The following CCDC27 variants were observed in gnomAD, a reference collection of about 807,000 sequenced individuals.
CCDC27 encodes the protein coiled-coil domain-containing protein 27.
A neutral mutation model predicts 80.3 loss-of-function variants in CCDC27; 80 were observed. The observed-to-expected ratio is 1.00, with a 90% CI of 0.83 to 1.20. The LOEUF (loss-of-function observed/expected upper bound fraction) is 1.20. Among genes scored for constraint, CCDC27 ranks in the 50% most tolerant of loss-of-function variants. The pLI, the probability that CCDC27 is intolerant of heterozygous loss-of-function variation, is 0.00. For missense variants in CCDC27, 815 were observed against 809.4 expected, an observed-to-expected ratio of 1.01 and a Z score of -0.08; for synonymous variants, 342 against 334.3, an observed-to-expected ratio of 1.02 and a Z score of -0.25.
rs964700091 is a variant in CCDC27 at position 3,759,746 on chromosome 1, T to G, written c.712-1535T>G. Among the ~76,000 whole-genome samples, 15 of 152,228 alleles carry G rather than the reference T, an allele frequency of 9.9e-5. No homozygotes were observed. In the East Asian group the frequency reaches 2.9e-3, roughly 29 times the overall value. On this transcript the variant is annotated intron_variant, in intron 4 of 11. Coordinates refer to ENST00000294600, the MANE Select transcript of CCDC27 (RefSeq NM_152492.3). ...TTCATTTTGTTTACTCCTGCAACTC[T>G]ACCTGTACATTATTATAGATTTCAC...
Position 3,769,007 on chromosome 1 carries a change from C to T in CCDC27, c.1744-776C>T, listed in dbSNP as rs1354132388. ...GAGCGGCAGTGTGGACATGCTTCCA[C>T]TCGGAGGCAAGGCTGAGCCTCTCGG... is the stretch of plus-strand genomic sequence containing the variant. On this transcript the variant is annotated intron_variant, in intron 10 of 11. Transcript: ENST00000294600. The surrounding 1 kb of genome is among the most constrained non-coding windows in gnomAD (Gnocchi z 4.6). Among the ~76,000 whole-genome samples the T allele has an allele frequency of 6.6e-6, 1 of 152,216 alleles. No homozygotes were observed. The highest frequency in any genetic ancestry group is 1.5e-5 in the Non-Finnish European group (1 of 68,040).
At chr1:3,770,655 G>A (rs573572311) in intron 11 of CCDC27, among the ~76,000 whole-genome samples, 2 of 152,328 alleles carry the variant, frequency 1.3e-5, no homozygotes, top group African/African-American at 4.8e-5. Context: ...TTGAACCCCA[G>A]TGTGTGCCCC....
At chr1:3,756,696 G>A (rs371397692) in intron 3 of CCDC27, 37 bp from the exon 4 acceptor site, 2 of 1,610,210 alleles carry the variant, frequency 1.2e-6, no homozygotes, top group African/African-American at 2.7e-5. Context: ...GGCAGGGAAG[G>A]GTCTCATTTC....
intron 1 of CCDC27, among the ~76,000 whole-genome samples, chr1:3,753,219 G>A (rs973280733): frequency 2.0e-5 from 3 of 152,168 alleles, no homozygotes; most frequent in Admixed American, 6.5e-5. Flanking sequence ...CTGTGCCACC[G>A]TGTACTGGGG....
At chr1:3,759,603 G>A (rs1465927762) in intron 4 of CCDC27, among the ~76,000 whole-genome samples, 1 of 152,148 alleles carries the variant, frequency 6.6e-6, no homozygotes, top group African/African-American at 2.4e-5. Context: ...TGAAAATTAT[G>A]GACATGAGTC....
chr1:3,763,828 A>G lies in CCDC27; in HGVS notation c.1444A>G (p.Thr482Ala). Reference protein sequence around the residue: ...RERRQQLQAMTDKFSNLREDK... With the variant: ...RERRQQLQAMADKFSNLREDK... ...GCGGAGGCAGCAGCTACAAGCCATG[A>G]CCGACAAGGTGGCCGTGCGCTCAGT... The change falls in exon 8 of 12, where the codon ACC (threonine) becomes GCC (alanine). Residue 482 changes from threonine (T) to alanine (A), a missense_variant. Coordinates refer to ENST00000294600, the MANE Select transcript of CCDC27 (RefSeq NM_152492.3). The surrounding 1 kb of genome is among the most constrained non-coding windows in gnomAD (Gnocchi z 7.5). The G allele has an allele frequency of 6.2e-7, 1 of 1,613,968 alleles. No homozygotes were observed. The highest frequency in any genetic ancestry group is 8.5e-7 in the Non-Finnish European group (1 of 1,179,920).
At chr1:3,767,756 C>T (rs1186579044) in intron 10 of CCDC27, among the ~76,000 whole-genome samples, 4 of 152,204 alleles carry the variant, frequency 2.6e-5, no homozygotes, top group African/African-American at 7.2e-5. Context: ...AGGAGGAGGG[C>T]ACCTGGATAG....
In CCDC27 at chr1:3,763,273, G is replaced by C; in HGVS notation, c.1120G>C (p.Glu374Gln). 1 of 1,588,726 alleles carries C rather than the reference G, an allele frequency of 6.3e-7. No homozygotes were observed. The highest frequency in any genetic ancestry group is 8.6e-7 in the Non-Finnish European group (1 of 1,166,804). Residue 374 changes from glutamate to glutamine, a missense_variant, in exon 7 of 12, where the codon GAA becomes CAA. Glu to Gln is a conservative substitution (Grantham distance 29). Transcript: ENST00000294600. This position sits in a 1 kb window ranked among gnomAD's most constrained non-coding sequence, Gnocchi z 7.5. Reference sequence around the variant, plus strand: ...GCATGAGGAGGGAAGCGAGGAGGAGGAAGAGGAGGAAGGGGACAGGGATGA... The same window carrying C: ...GCATGAGGAGGGAAGCGAGGAGGAGCAAGAGGAGGAAGGGGACAGGGATGA... ...SVHEEGSEEE[E>Q]EEEGDRDEDS...
At chr1:3,757,686 G>A (rs1253046045) in intron 4 of CCDC27, among the ~76,000 whole-genome samples, 2 of 152,080 alleles carry the variant, frequency 1.3e-5, no homozygotes, top group African/African-American at 4.8e-5. Context: ...ACTTTGGGAG[G>A]CAGAGGTAGA....
Position 3,763,832 on chromosome 1 carries a change from AC to A in CCDC27, c.1449del (p.Asp483GlufsTer15), listed in dbSNP as rs1643158253. On this transcript the variant is annotated frameshift_variant, in exon 8 of 12. Coordinates refer to ENST00000294600, the MANE Select transcript of CCDC27 (RefSeq NM_152492.3). LOFTEE classifies it high-confidence loss of function. This position sits in a 1 kb window ranked among gnomAD's most constrained non-coding sequence, Gnocchi z 7.5. ...AGGCAGCAGCTACAAGCCATGACCG[AC>A]AAGGTGGCCGTGCGCTCAGTACCGG... ...ERRQQLQAMT[D>X]KFSNLREDKK... The A allele has an allele frequency of 6.2e-7, 1 of 1,613,878 alleles. No individual in the cohort carries two copies. The highest frequency in any genetic ancestry group is 8.5e-7 in the Non-Finnish European group (1 of 1,179,928).
chr1:3,767,340 C>A lies in CCDC27; in HGVS notation c.1638C>A (p.His546Gln), dbSNP rs774479649. The A allele has an allele frequency of 1.2e-6, 2 of 1,613,978 alleles. No homozygotes were observed. The highest frequency in any genetic ancestry group is 2.2e-5 in the East Asian group (1 of 44,870). ...LQEQVELDQN[H>Q]LQRWKQLQED... ...AGCAGGTGGAACTGGACCAGAACCA[C>A]CTGCAGAGGTGGAAGCAGCTGCAGG... The change falls in exon 10 of 12, where the codon CAC becomes CAA. Residue 546 changes from histidine (H) to glutamine (Q), a missense_variant. Coordinates refer to ENST00000294600, the MANE Select transcript of CCDC27 (RefSeq NM_152492.3).
At position 3,771,645 on chromosome 1, in the gene CCDC27, C is replaced by A; in HGVS notation, c.*122C>A. On this transcript the variant is annotated 3_prime_UTR_variant, in exon 12 of 12. Coordinates refer to ENST00000294600, the MANE Select transcript of CCDC27 (RefSeq NM_152492.3). ...AATTAAACCCCGGTGTTGGCACTGT[C>A]CCACCTTTTTCTTCTCTGGGATCCA... is the stretch of plus-strand genomic sequence containing the variant. 1 of 1,127,028 alleles carries A rather than the reference C, an allele frequency of 8.9e-7. No homozygotes were observed. The highest frequency in any genetic ancestry group is 1.3e-6 in the Non-Finnish European group (1 of 797,290). The allele number at this position is 1,127,028 out of a possible 1,614,324, so 69.8% of individuals were successfully genotyped here.
intron 2 of CCDC27, among the ~76,000 whole-genome samples, chr1:3,754,640 A>G (rs1642909562): frequency 1.3e-5 from 2 of 152,118 alleles, no homozygotes; most frequent in Admixed American, 1.3e-4. Context: ...TATCCGGTCC[A>G]AACCCTTCAC....
chr1:3,762,141 G>A (rs2124593935), intron 5 of CCDC27, among the ~76,000 whole-genome samples: 1 of 152,258 alleles, frequency 6.6e-6, no homozygotes, highest in Admixed American at 6.5e-5. Flanking sequence ...TTATGCTGGG[G>A]GCCAGAGATG....
rs1037426894 is a variant in CCDC27, at chr1:3,766,533, A to G, written c.1453-2A>G. Reference sequence around the variant, plus strand: ...CAAGCCAACCCTTCTGTCTCCTTCCAGTTCTCCAACCTCCGAGAAGATAAG... The same window carrying G: ...CAAGCCAACCCTTCTGTCTCCTTCCGGTTCTCCAACCTCCGAGAAGATAAG... On this transcript the variant is annotated splice_acceptor_variant, in intron 8 of 11. Transcript: ENST00000294600. LOFTEE classifies it high-confidence loss of function. The surrounding 1 kb of genome is among the most constrained non-coding windows in gnomAD (Gnocchi z 6.1). The G allele has an allele frequency of 9.9e-6, 16 of 1,612,540 alleles. No individual in the cohort carries two copies. The highest frequency in any genetic ancestry group is 1.4e-5 in the Non-Finnish European group (16 of 1,179,118).
In CCDC27 at chr1:3,769,906, C is replaced by T; in HGVS notation, c.1848+19C>T. 1 of 1,588,946 alleles carries T rather than the reference C, an allele frequency of 6.3e-7. No homozygotes were observed. Among genetic ancestry groups the T allele is most frequent in the South Asian group, 1.1e-5 (1 of 90,690 alleles). ...CCTGCAGGTATACCCCTAAGCTCAG[C>T]TGCCTCTATCCGGGCCCCAGACCCC... On this transcript the variant is annotated intron_variant, in intron 11 of 11. Coordinates refer to ENST00000294600, the MANE Select transcript of CCDC27 (RefSeq NM_152492.3). This position sits in a 1 kb window ranked among gnomAD's most constrained non-coding sequence, Gnocchi z 4.6.
At position 3,768,853 on chromosome 1, in the gene CCDC27, G is replaced by A. The variant is rs1249768198; in HGVS notation, c.1744-930G>A. On this transcript the variant is annotated intron_variant, in intron 10 of 11. Transcript: ENST00000294600. The surrounding 1 kb of genome is among the most constrained non-coding windows in gnomAD (Gnocchi z 5.6). The stretch of plus-strand genomic sequence containing the variant: ...GAGGCCCAGCCCCTTGTGACCTCAC[G>A]ACCTCCAGCACCTGGCACGGTGTTT... 6.6e-6 allele frequency among the ~76,000 whole-genome samples: 1 copy of A among 152,124 alleles called. No individual in the cohort carries two copies. Among genetic ancestry groups the A allele is most frequent in the Non-Finnish European group, 1.5e-5 (1 of 68,030 alleles).
rs752520753 is a variant in CCDC27, at chr1:3,771,462, C to A, written c.1910C>A (p.Pro637His). ...CTGAAGCAGAAAGGCGTCAAAGTGC[C>A]CCCCCTGCAACAGTCAGAGGCCTTC... Reference protein sequence around the residue: ...NQLKQKGVKVPPLQQSEAFLT... With the variant: ...NQLKQKGVKVHPLQQSEAFLT... The change falls in exon 12 of 12, where the codon CCC becomes CAC. Residue 637 changes from proline (P) to histidine (H), a missense_variant. Pro to His is a moderately conservative substitution (Grantham distance 77). Coordinates refer to ENST00000294600, the MANE Select transcript of CCDC27 (RefSeq NM_152492.3). 24 of 1,613,896 alleles carry A rather than the reference C, an allele frequency of 1.5e-5. No individual in the cohort carries two copies. The highest frequency in any genetic ancestry group is 1.3e-4 in the South Asian group (12 of 91,084).
chr1:3,767,082 G>A (rs879740289), intron 9 of CCDC27, 151 bp from the exon 10 acceptor site: 54 of 653,452 alleles, frequency 8.3e-5, no homozygotes, highest in Admixed American at 2.4e-4. Flanking sequence ...CTCGTGATCC[G>A]CCCACCGCAG....
Sources: allele counts gnomAD v4.1 joint callset (sites outside exome capture counted in the v4.1 genomes callset), GRCh38; gene constraint gnomAD v4.1.1; non-coding constraint Gnocchi (gnomAD v3.1); transcripts MANE v1.5; gene names NCBI Gene and HGNC (gene_info 2026-07-23, HGNC 2026-07-21).